Variants in OSBPL5 observed in about 807,000 individuals in gnomAD.
The protein encoded by OSBPL5 is oxysterol binding protein like 5, also known as oxysterol-binding protein-related protein 5.
Under a neutral mutation model 111.2 loss-of-function variants are expected in OSBPL5, and 71 were observed. The ratio of observed to expected loss-of-function variants is 0.64; its 90% CI spans 0.53 to 0.78. OSBPL5 has a LOEUF of 0.78. OSBPL5 is among the 30% of genes least tolerant of loss of function. The pLI, the probability that OSBPL5 is intolerant of heterozygous loss-of-function variation, is 0.00. For missense variants in OSBPL5, 1,210 were observed against 1,189.3 expected (o/e 1.02, Z -0.26); for synonymous variants, 549 against 513.9 (o/e 1.07, Z -0.93).
intron 5 of OSBPL5, among the ~76,000 whole-genome samples, 184 bp from the exon 6 acceptor site, chr11:3,120,808 T>C (rs2134455531): frequency 6.6e-6 from 1 of 152,324 alleles, no homozygotes. Context: ...TGGGGTGATG[T>C]CCTGTGTCTA....
chr11:3,093,658 C>T lies in OSBPL5; in HGVS notation c.1815G>A (p.Arg605=). The stretch of plus-strand genomic sequence containing the variant: ...TCCCTTCCTCCTTGATAAACACGTC[C>T]CTGTCCTGCCCCAGATGGCCAGCGG... The part of the protein sequence containing the change: ...VLASLSGHWD[R]DVFIKEEGSG... The change falls in exon 17 of 22, where the codon AGG becomes AGA. Residue 605 remains arginine (R), a synonymous_variant. Coordinates refer to ENST00000263650, the MANE Select transcript of OSBPL5 (RefSeq NM_020896.4). 1 of 1,613,250 alleles carries T rather than the reference C, an allele frequency of 6.2e-7. No individual in the cohort carries two copies. The highest frequency in any genetic ancestry group is 8.5e-7 in the Non-Finnish European group (1 of 1,179,946).
At chr11:3,139,046 T>G (rs1028034794) in intron 1 of OSBPL5, among the ~76,000 whole-genome samples, 1 of 152,212 alleles carries the variant, frequency 6.6e-6, no homozygotes, top group African/African-American at 2.4e-5. Context: ...GTGATGGGTC[T>G]TCGCTGACAC....
At chr11:3,122,568 T>TC (rs1858461521) in intron 3 of OSBPL5, 140 bp from the exon 4 acceptor site, 44 of 674,840 alleles carry the variant, frequency 6.5e-5, no homozygotes, top group Admixed American at 8.5e-5. Flanking sequence ...GCACCCTCCA[T>TC]CCCCCCCACC....
rs897814171 is a variant in OSBPL5, at chr11:3,141,147, G to C, written c.-21-11978C>G. 6.6e-6 allele frequency among the ~76,000 whole-genome samples: 1 copy of C among 152,102 alleles called. No individual in the cohort carries two copies. Among genetic ancestry groups the C allele is most frequent in the Admixed American group, 6.5e-5 (1 of 15,274 alleles). ...ATAAAGCCTCATTCCAGGCAGTTTCGAGTGCTCTGATGCTGACAGCCACCC... is the reference window on the plus strand; with the variant it reads ...ATAAAGCCTCATTCCAGGCAGTTTCCAGTGCTCTGATGCTGACAGCCACCC... On this transcript the variant is annotated intron_variant, in intron 1 of 21. Transcript: ENST00000263650. The surrounding 1 kb of genome is among the most constrained non-coding windows in gnomAD (Gnocchi z 6.5).
chr11:3,124,815 G>GATGGATGGATGC (rs1226118063), intron 3 of OSBPL5, among the ~76,000 whole-genome samples: 1 of 150,022 alleles, frequency 6.7e-6, no homozygotes. Context: ...TGGATGAATG[G>GATGGATGGATGC]ATGGATGGAT....
chr11:3,120,853 C>T (rs940336843), intron 5 of OSBPL5, among the ~76,000 whole-genome samples: 12 of 152,176 alleles, frequency 7.9e-5, no homozygotes, highest in East Asian at 7.7e-4. Flanking sequence ...CCACGGCAAG[C>T]GGTGCCCCAG....
At chr11:3,093,177 G>T in intron 17 of OSBPL5, 125 bp from the exon 18 acceptor site, 1 of 1,012,356 alleles carries the variant, frequency 9.9e-7, no homozygotes, top group Non-Finnish European at 1.4e-6. Context: ...TGCCTACAGT[G>T]ACAGGGAGCT....
At position 3,103,315 on chromosome 11, in the gene OSBPL5, G is replaced by C. The variant is rs1356136608; in HGVS notation, c.1250C>G (p.Ala417Gly). ...GCGGCTGTAGGCATCCTCCTCCACC[G>C]CAGCCCTGCCATGGGGCAGGAGAAC... ...YYHADLLSRA[A>G]VEEDAYSRMK... The change falls in exon 11 of 22, where the codon GCG (alanine) becomes GGG (glycine). Residue 417 changes from alanine (A) to glycine (G), a missense_variant. Coordinates refer to ENST00000263650, the MANE Select transcript of OSBPL5 (RefSeq NM_020896.4). 1 of 1,604,096 alleles carries C rather than the reference G, an allele frequency of 6.2e-7. No individual in the cohort carries two copies. Among genetic ancestry groups the C allele is most frequent in the Non-Finnish European group, 8.5e-7 (1 of 1,175,204 alleles).
rs1014758223 is a variant in OSBPL5, at chr11:3,109,305, C to T, written c.692-1360G>A. 1.3e-5 allele frequency among the ~76,000 whole-genome samples: 2 copies of T among 151,020 alleles called. No individual in the cohort carries two copies. Among genetic ancestry groups the T allele is most frequent in the African/African-American group, 2.4e-5 (1 of 40,996 alleles). Reference sequence around the variant, plus strand: ...ATGTTGGCCAGGCTGGTCTCAACCTCTGGGCCTCAAGTGATCTGCGTCGGC... The same window carrying T: ...ATGTTGGCCAGGCTGGTCTCAACCTTTGGGCCTCAAGTGATCTGCGTCGGC... On this transcript the variant is annotated intron_variant, in intron 7 of 21. Coordinates refer to ENST00000263650, the MANE Select transcript of OSBPL5 (RefSeq NM_020896.4). This position sits in a 1 kb window ranked among gnomAD's most constrained non-coding sequence, Gnocchi z 7.4.
In OSBPL5 at chr11:3,126,581, AC is replaced by A. The variant is rs759722328; in HGVS notation, c.137-27del. The A allele has an allele frequency of 9.4e-6, 15 of 1,591,908 alleles. No homozygotes were observed. In the African/African-American group the frequency reaches 1.7e-4, roughly 19 times the overall value. ...CTGCAAGAGAGCAGTGGGAGTGAGG[AC>A]CCAGGCATGGTGGCGTGGCCAGGCT... On this transcript the variant is annotated intron_variant, in intron 2 of 21. Transcript: ENST00000263650. This position sits in a 1 kb window ranked among gnomAD's most constrained non-coding sequence, Gnocchi z 6.5.
rs375478360 is a variant in OSBPL5 at position 3,092,948 on chromosome 11, C to T, written c.2051G>A (p.Arg684Gln). ...EEAQRQRARERQESLMPWKPQ... is the reference protein window; with the variant it reads ...EEAQRQRAREQQESLMPWKPQ... ...CTTCCAGGGCATGAGGCTCTCCTGC[C>T]GCTCACGGGCCCGCTGCCGCTGTGC... The change falls in exon 18 of 22, where the codon CGG (arginine) becomes CAG (glutamine). Residue 684 changes from arginine to glutamine, a missense_variant. By Grantham distance (43) the Arg-to-Gln change is conservative (BLOSUM62 1). Coordinates refer to ENST00000263650, the MANE Select transcript of OSBPL5 (RefSeq NM_020896.4). This position sits in a 1 kb window ranked among gnomAD's most constrained non-coding sequence, Gnocchi z 5.4. 2.3e-5 allele frequency: 37 copies of T among 1,585,034 alleles called. No individual in the cohort carries two copies. Among genetic ancestry groups the T allele is most frequent in the African/African-American group, 1.3e-4 (10 of 74,688 alleles).
Position 3,141,674 on chromosome 11 carries a change from G to A in OSBPL5, c.-21-12505C>T, listed in dbSNP as rs1846120985. ...CGCACCTCGCTCAATGCATTGCCAA[G>A]TTGCGATTCTCATGCATCCCAGTGC... is the stretch of plus-strand genomic sequence containing the variant. On this transcript the variant is annotated intron_variant, in intron 1 of 21. Transcript: ENST00000263650. This position sits in a 1 kb window ranked among gnomAD's most constrained non-coding sequence, Gnocchi z 6.5. Among the ~76,000 whole-genome samples, 1 of 152,172 alleles carries A rather than the reference G, an allele frequency of 6.6e-6. No individual in the cohort carries two copies. The highest frequency in any genetic ancestry group is 6.5e-5 in the Admixed American group (1 of 15,284).
intron 14 of OSBPL5, among the ~76,000 whole-genome samples, chr11:3,095,308 C>T (rs1857215997): frequency 1.1e-5 from 1 of 89,516 alleles, no homozygotes; most frequent in African/African-American, 4.8e-5. Context: ...GAGACTCTGT[C>T]TCAAAAAAAA....
At chr11:3,098,495 ATTTTTTT>A (rs552382553) in intron 14 of OSBPL5, among the ~76,000 whole-genome samples, 8 of 81,202 alleles carry the variant, frequency 9.9e-5, no homozygotes, top group African/African-American at 3.1e-4. Flanking sequence ...ACATGAAGGA[ATTTTTTT>A]TTTTTTTTTT....
intron 14 of OSBPL5, among the ~76,000 whole-genome samples, chr11:3,098,106 A>C (rs1469404327): frequency 6.6e-6 from 1 of 152,086 alleles, no homozygotes; most frequent in African/African-American, 2.4e-5. Context: ...AAACAAAAAA[A>C]CCAGGCAGGT....
intron 1 of OSBPL5, among the ~76,000 whole-genome samples, chr11:3,152,017 A>G (rs551844749): frequency 7.2e-5 from 11 of 152,354 alleles, no homozygotes; most frequent in Non-Finnish European, 1.6e-4. Context: ...GGTGGCCTTC[A>G]CCATTAGGTC....
chr11:3,104,247 C>T lies in OSBPL5; in HGVS notation c.1190G>A (p.Arg397His), dbSNP rs776479428. 4 of 1,613,428 alleles carry T rather than the reference C, an allele frequency of 2.5e-6. No individual in the cohort carries two copies. The highest frequency in any genetic ancestry group is 1.7e-4 in the Middle Eastern group (1 of 6,056). ...GTCGGAGAGCTTGTTCAGGAAGGAG[C>T]GCGGCTCCAGTACGAACGTGGGTAG... ...VVLPTFVLEP[R>H]SFLNKLSDYY... Residue 397 changes from arginine (R) to histidine (H), a missense_variant, in exon 10 of 22, where the codon CGC becomes CAC. Physicochemically the swap from Arg to His is conservative, Grantham distance 29. Coordinates refer to ENST00000263650, the MANE Select transcript of OSBPL5 (RefSeq NM_020896.4). The surrounding 1 kb of genome is among the most constrained non-coding windows in gnomAD (Gnocchi z 5.0).
At chr11:3,129,440 A>C (rs1011565624) in intron 1 of OSBPL5, 3 of 249,194 alleles carry the variant, frequency 1.2e-5, no homozygotes, top group Admixed American at 5.5e-5. Flanking sequence ...CCACCCTCGG[A>C]AGATGTCCTT....
rs1856931064 is a variant in OSBPL5, at chr11:3,088,053, C to CA, written c.*151_*152insT. The CA allele has an allele frequency of 2.2e-5, 13 of 601,434 alleles. No homozygotes were observed. The highest frequency in any genetic ancestry group is 3.0e-5 in the South Asian group (1 of 33,176). The allele number at this position is 601,434 out of a possible 1,614,324, so 37.3% of individuals were successfully genotyped here. A position where few individuals can be genotyped will look rare whatever the true frequency, so the allele number is the denominator to read the frequency against. On this transcript the variant is annotated 3_prime_UTR_variant, in exon 22 of 22. Transcript: ENST00000263650. ...GGGCCCAGCACACCTGGGCCCGCAG[C>CA]GCCTTGTGGCCCCGGGTCCCTCCTG...
Sources: gnomAD v4.1 joint callset for allele counts (sites outside exome capture counted in the v4.1 genomes callset) on GRCh38, gnomAD v4.1.1 for gene constraint, Gnocchi (gnomAD v3.1) non-coding constraint, MANE v1.5 for transcripts, NCBI Gene and HGNC (gene_info 2026-07-23, HGNC 2026-07-21) for gene names.